NAV2: variants seen among roughly 807,000 people sequenced by gnomAD.
The protein encoded by NAV2 is neuron navigator 2.
In NAV2, 54 loss-of-function variants were observed where a neutral mutation model predicts 223.2. That is an observed-to-expected ratio of 0.24 (90% confidence interval 0.19 to 0.30). The LOEUF (loss-of-function observed/expected upper bound fraction) is 0.30, where lower values mean the gene tolerates loss of function less well. NAV2 is among the 10% of genes least tolerant of loss of function. The pLI, the probability that NAV2 is intolerant of heterozygous loss-of-function variation, is 1.00. For synonymous variants in NAV2, 1,279 were observed against 1,239.3 expected, an observed-to-expected ratio of 1.03 and a Z score of -0.67; for missense variants, 2,806 against 3,147.5, an observed-to-expected ratio of 0.89 and a Z score of 2.60.
intron 1 of NAV2, among the ~76,000 whole-genome samples, chr11:19,423,132 G>C (rs2133516655): frequency 6.6e-6 from 1 of 152,336 alleles, no homozygotes; most frequent in East Asian, 1.9e-4. Context: ...TTTAAAAGAT[G>C]GGATATAGGC....
At chr11:19,578,703 C>A (rs976860180) in intron 1 of NAV2, among the ~76,000 whole-genome samples, 5 of 152,210 alleles carry the variant, frequency 3.3e-5, no homozygotes, top group Admixed American at 2.6e-4. Context: ...CAGGGGTCTG[C>A]ATATTTTGGC....
intron 10 of NAV2, among the ~76,000 whole-genome samples, chr11:19,954,831 G>C (rs1253256673): frequency 1.3e-5 from 2 of 151,702 alleles, no homozygotes; most frequent in African/African-American, 4.8e-5. Flanking sequence ...GTTTATTAGT[G>C]TTTGTATGTA....
chr11:20,026,352 C>T (rs1240786723), intron 11 of NAV2, among the ~76,000 whole-genome samples: 1 of 151,690 alleles, frequency 6.6e-6, no homozygotes, highest in East Asian at 1.9e-4. Flanking sequence ...ACTCTGTCAC[C>T]CAGGCTGGAG....
In NAV2 at chr11:20,045,480, C is replaced by G. The variant is rs1463982426; in HGVS notation, c.3712C>G (p.Leu1238Val). 6.8e-6 allele frequency: 11 copies of G among 1,614,124 alleles called. No individual in the cohort carries two copies. The highest frequency in any genetic ancestry group is 9.3e-6 in the Non-Finnish European group (11 of 1,180,016). Residue 1238 changes from leucine (L) to valine (V), a missense_variant, in exon 14 of 38, where the codon CTA becomes GTA. Physicochemically the swap from Leu to Val is conservative, Grantham distance 32. Transcript: ENST00000349880. The part of the protein sequence containing the change: ...PKLREPSKTA[L>V]GSSLPGLVNQ... ...ACTGAGGGAGCCTTCCAAAACAGCC[C>G]TAGGCAGCTCTCTACCAGGTCTGGT...
chr11:19,394,445 C>T (rs1469354295), intron 1 of NAV2, among the ~76,000 whole-genome samples: 1 of 152,202 alleles, frequency 6.6e-6, no homozygotes, highest in Non-Finnish European at 1.5e-5. Flanking sequence ...TCCAGGCATA[C>T]CCATGCTAGA....
intron 1 of NAV2, among the ~76,000 whole-genome samples, chr11:19,739,955 G>A (rs2052649629): frequency 6.6e-6 from 1 of 152,120 alleles, no homozygotes; most frequent in African/African-American, 2.4e-5. Context: ...GGACAGTGGA[G>A]GGGAAACTGT....
Position 19,772,013 on chromosome 11 carries a change from C to T in NAV2, c.267+58051C>T, listed in dbSNP as rs910723341. Reference sequence around the variant, plus strand: ...CCTCTTGTGCTCAGGCCTTCCTTGTCGCTGGCTTGTGGACAGGAGTCCTTT... The same window carrying T: ...CCTCTTGTGCTCAGGCCTTCCTTGTTGCTGGCTTGTGGACAGGAGTCCTTT... On this transcript the variant is annotated intron_variant, in intron 1 of 37. Transcript: ENST00000349880. Among the ~76,000 whole-genome samples, 8 of 152,142 alleles carry T rather than the reference C, an allele frequency of 5.3e-5. No homozygotes were observed. The South Asian group carries it at 1.0e-3, about 20-fold the overall frequency.
chr11:19,959,052 C>T (rs545399714), intron 10 of NAV2, among the ~76,000 whole-genome samples: 17 of 152,286 alleles, frequency 1.1e-4, no homozygotes, highest in African/African-American at 3.8e-4. Flanking sequence ...ATAAGGATGG[C>T]TCCCCAGCTC....
intron 24 of NAV2, among the ~76,000 whole-genome samples, chr11:20,078,651 T>C (rs2059907189): frequency 6.6e-6 from 1 of 152,078 alleles, no homozygotes; most frequent in African/African-American, 2.4e-5. Flanking sequence ...TAGAGACAGG[T>C]CTTGCCATGT....
At chr11:19,672,196 CA>C (rs1029495747) in intron 1 of NAV2, among the ~76,000 whole-genome samples, 1 of 152,216 alleles carries the variant, frequency 6.6e-6, no homozygotes, top group Non-Finnish European at 1.5e-5. Flanking sequence ...AGGCACATAG[CA>C]AAGTGCAGTG....
In NAV2 at chr11:19,868,896, A is replaced by G. The variant is rs768402007; in HGVS notation, c.439-29A>G. The G allele has an allele frequency of 1.0e-5, 16 of 1,606,804 alleles. No homozygotes were observed. In the East Asian group the frequency reaches 3.1e-4, roughly 31 times the overall value. Reference sequence around the variant, plus strand: ...GCTCTGGAGAGGCTGAACATTTATTAAGTATATATTGTTGTTTTTCCCTCC... The same window carrying G: ...GCTCTGGAGAGGCTGAACATTTATTGAGTATATATTGTTGTTTTTCCCTCC... On this transcript the variant is annotated intron_variant, in intron 3 of 37. Coordinates refer to ENST00000349880, the MANE Select transcript of NAV2 (RefSeq NM_145117.5).
intron 18 of NAV2, among the ~76,000 whole-genome samples, chr11:20,055,134 A>G (rs1477524191): frequency 6.6e-6 from 1 of 152,204 alleles, no homozygotes; most frequent in Non-Finnish European, 1.5e-5. Flanking sequence ...AGAGTCTTTA[A>G]GGATAGAGGT....
intron 11 of NAV2, chr11:20,027,240 T>C: frequency 1.0e-6 from 1 of 984,052 alleles, no homozygotes; most frequent in Non-Finnish European, 1.2e-6. Flanking sequence ...CCCCAGGGGT[T>C]ACTACTAAGC....
chr11:19,376,198 C>T (rs1466141926), intron 1 of NAV2, among the ~76,000 whole-genome samples: 2 of 152,162 alleles, frequency 1.3e-5, no homozygotes, highest in South Asian at 2.1e-4. Context: ...CTGCTCAAAA[C>T]TTTTTCTCAT....
At chr11:19,996,518 G>A (rs142516400) in intron 11 of NAV2, among the ~76,000 whole-genome samples, 82 of 152,354 alleles carry the variant, frequency 5.4e-4, no homozygotes, top group African/African-American at 1.8e-3. Flanking sequence ...GCTTGAAGCT[G>A]TGAGTATAAT....
intron 1 of NAV2, among the ~76,000 whole-genome samples, chr11:19,581,184 A>AT (rs1305433893): frequency 6.6e-6 from 1 of 152,134 alleles, no homozygotes; most frequent in Non-Finnish European, 1.5e-5. Flanking sequence ...TTGTTATATA[A>AT]TTGCAAGTAT....
intron 1 of NAV2, among the ~76,000 whole-genome samples, chr11:19,793,784 C>T (rs560687444): frequency 6.6e-6 from 1 of 152,356 alleles, no homozygotes; most frequent in East Asian, 1.9e-4. Flanking sequence ...CCGCTGCCTT[C>T]CTCCTGATAT....
intron 1 of NAV2, among the ~76,000 whole-genome samples, chr11:19,697,507 C>CTT (rs546880604): frequency 6.9e-6 from 1 of 144,348 alleles, no homozygotes; most frequent in Non-Finnish European, 1.5e-5. Flanking sequence ...CAAGATAGTT[C>CTT]TTTTTTTTTT....
chr11:19,464,453 G>T (rs562718921), intron 1 of NAV2, among the ~76,000 whole-genome samples: 29 of 152,292 alleles, frequency 1.9e-4, no homozygotes, highest in South Asian at 6.2e-4. Context: ...AAGCAAACAG[G>T]CAATATCCCT....
Sources: allele counts gnomAD v4.1 joint callset (sites outside exome capture counted in the v4.1 genomes callset), GRCh38; gene constraint gnomAD v4.1.1; transcripts MANE v1.5; gene names NCBI Gene and HGNC (gene_info 2026-07-23, HGNC 2026-07-21).